RALGPS2: variants seen among roughly 807,000 people sequenced by gnomAD.
The protein encoded by RALGPS2 is ras-specific guanine nucleotide-releasing factor RalGPS2.
RALGPS2 carries 43 observed loss-of-function variants against 86.8 expected under a neutral mutation model. The ratio of observed to expected loss-of-function variants is 0.50; its 90% CI spans 0.39 to 0.64. RALGPS2 has a LOEUF of 0.64. RALGPS2 is among the 30% of genes least tolerant of loss of function. The pLI, the probability that RALGPS2 is intolerant of heterozygous loss-of-function variation, is 0.00. For missense variants in RALGPS2, 536 were observed against 694.6 expected, an observed-to-expected ratio of 0.77 and a Z score of 2.57; for synonymous variants, 243 against 231.3, an observed-to-expected ratio of 1.05 and a Z score of -0.46.
intron 8 of RALGPS2, among the ~76,000 whole-genome samples, chr1:178,871,390 C>CT (rs1325192891): frequency 7.9e-5 from 12 of 152,094 alleles, no homozygotes; most frequent in Non-Finnish European, 1.6e-4. Context: ...CTCCACTTCA[C>CT]TTAGAAGTAG....
At chr1:178,769,028 T>G (rs1330467492) in intron 1 of RALGPS2, among the ~76,000 whole-genome samples, 4 of 151,918 alleles carry the variant, frequency 2.6e-5, no homozygotes, top group Non-Finnish European at 5.9e-5. Flanking sequence ...TGCCTGGAGA[T>G]CTGCCTGGAT....
At chr1:178,767,979 G>A (rs2102079535) in intron 1 of RALGPS2, among the ~76,000 whole-genome samples, 1 of 152,334 alleles carries the variant, frequency 6.6e-6, no homozygotes, top group African/African-American at 2.4e-5. Flanking sequence ...TGGGCTCATA[G>A]CGATTCCCCC....
chr1:178,834,895 A>G (rs889504398), intron 8 of RALGPS2, among the ~76,000 whole-genome samples: 1 of 152,166 alleles, frequency 6.6e-6, no homozygotes, highest in South Asian at 2.1e-4. Flanking sequence ...CTCCTGCTTC[A>G]GCCTCCCAAG....
chr1:178,874,554 C>A (rs1030508671), intron 8 of RALGPS2, among the ~76,000 whole-genome samples: 2 of 152,088 alleles, frequency 1.3e-5, no homozygotes, highest in African/African-American at 4.8e-5. Context: ...TTCTCTGATC[C>A]CATCAGCAAG....
At chr1:178,750,764 A>C (rs1008964286) in intron 1 of RALGPS2, among the ~76,000 whole-genome samples, 1 of 152,192 alleles carries the variant, frequency 6.6e-6, no homozygotes, top group Non-Finnish European at 1.5e-5. Flanking sequence ...AAATGTCCGC[A>C]TATGTTACCT....
intron 6 of RALGPS2, among the ~76,000 whole-genome samples, chr1:178,811,892 A>C (rs1655003681): frequency 6.6e-6 from 1 of 152,186 alleles, no homozygotes; most frequent in Non-Finnish European, 1.5e-5. Context: ...AGAGAAATGG[A>C]GAATGGATTT....
In RALGPS2 at chr1:178,833,570, GTTTT is replaced by G. The variant is rs1263795596; in HGVS notation, c.607+23_607+26del. 2.4e-5 allele frequency: 37 copies of G among 1,519,270 alleles called. No individual in the cohort carries two copies. Among genetic ancestry groups the G allele is most frequent in the Non-Finnish European group, 3.2e-5 (37 of 1,146,252 alleles). The allele number at this position is 1,519,270 out of a possible 1,614,324, so 94.1% of individuals were successfully genotyped here. On this transcript the variant is annotated intron_variant, in intron 8 of 19. Coordinates refer to ENST00000367635, the MANE Select transcript of RALGPS2 (RefSeq NM_152663.5). Reference sequence around the variant, plus strand: ...ATTTAGGTGAGTTATGTCACTGTGTGTTTTTTGTTTCTAGTTGTTACTCTTCCTT... The same window carrying G: ...ATTTAGGTGAGTTATGTCACTGTGTGTTGTTTCTAGTTGTTACTCTTCCTT...
At chr1:178,808,596 T>C (rs1236352620) in intron 5 of RALGPS2, among the ~76,000 whole-genome samples, 2 of 152,198 alleles carry the variant, frequency 1.3e-5, no homozygotes, top group Non-Finnish European at 2.9e-5. Context: ...TTTTCAAAGA[T>C]ATATAGTGAA....
intron 1 of RALGPS2, among the ~76,000 whole-genome samples, chr1:178,743,840 T>G (rs1651163556): frequency 6.6e-6 from 1 of 152,128 alleles, no homozygotes; most frequent in Non-Finnish European, 1.5e-5. Flanking sequence ...TTAAAGAAAT[T>G]GAATTTGTGA....
intron 7 of RALGPS2, among the ~76,000 whole-genome samples, chr1:178,827,534 A>T (rs1655805300): frequency 6.7e-6 from 1 of 150,336 alleles, no homozygotes; most frequent in Admixed American, 6.6e-5. Context: ...AGCTGGGACT[A>T]CAGGCGCCCG....
chr1:178,900,497 C>G (rs186107281), intron 17 of RALGPS2, among the ~76,000 whole-genome samples: 1 of 151,780 alleles, frequency 6.6e-6, no homozygotes, highest in Non-Finnish European at 1.5e-5. Context: ...GTGGCCAGTC[C>G]GAGTCAGTAT....
rs1381769066 is a variant in RALGPS2, at chr1:178,892,246, T to A, written c.1264T>A (p.Ser422Thr). 2 of 1,612,624 alleles carry A rather than the reference T, an allele frequency of 1.2e-6. No individual in the cohort carries two copies. Among genetic ancestry groups the A allele is most frequent in the South Asian group, 2.2e-5 (2 of 91,058 alleles). Residue 422 changes from serine to threonine, a missense_variant, in exon 15 of 20, where the codon TCT (serine) becomes ACT (threonine). Physicochemically the swap from Ser to Thr is moderately conservative, Grantham distance 58. Around this residue, in one of 3 missense-constraint regions of RALGPS2, gnomAD observed 309 missense variants for 363.0 expected, o/e 0.85. Coordinates refer to ENST00000367635, the MANE Select transcript of RALGPS2 (RefSeq NM_152663.5). ...ATCCAACAGGAACAGATTATACCAT[T>A]CTCTCGGCCCGGTGACAAGAGTGGC... The part of the protein sequence containing the change: ...PAFERNRLYH[S>T]LGPVTRVARN...
intron 1 of RALGPS2, chr1:178,753,853 A>G (rs1173994674): frequency 1.4e-5 from 2 of 147,098 alleles, no homozygotes; most frequent in Non-Finnish European, 3.0e-5. Context: ...TTTTTTTGAG[A>G]TGGAGTCTCA....
At chr1:178,811,577 C>A (rs967801884) in intron 6 of RALGPS2, among the ~76,000 whole-genome samples, 173 bp downstream of exon 6, 1 of 152,100 alleles carries the variant, frequency 6.6e-6, no homozygotes, top group Non-Finnish European at 1.5e-5. Flanking sequence ...TTCCTTTATT[C>A]TTCCTGTTTT....
In RALGPS2 at chr1:178,808,292, A is replaced by G. The variant is rs12072600; in HGVS notation, c.297+164A>G. Among the ~76,000 whole-genome samples the G allele has an allele frequency of 1.2e-3, 175 of 152,144 alleles. 1 individual carries two copies. The highest frequency in any genetic ancestry group is 4.0e-3 in the African/African-American group (166 of 41,528). ...ATCTCTTTTTTTCTCTGTAACTCCTATTGAAAATTTATTGGAACTTGACAT... is the reference window on the plus strand; with the variant it reads ...ATCTCTTTTTTTCTCTGTAACTCCTGTTGAAAATTTATTGGAACTTGACAT... On this transcript the variant is annotated intron_variant, in intron 5 of 19. Coordinates refer to ENST00000367635, the MANE Select transcript of RALGPS2 (RefSeq NM_152663.5).
At chr1:178,749,194 T>A (rs1304061842) in intron 1 of RALGPS2, among the ~76,000 whole-genome samples, 1 of 152,076 alleles carries the variant, frequency 6.6e-6, no homozygotes, top group East Asian at 1.9e-4. Flanking sequence ...AATTTTTTTT[T>A]AATTCATGCA....
intron 4 of RALGPS2, among the ~76,000 whole-genome samples, chr1:178,795,445 C>T (rs557098016): frequency 2.6e-5 from 4 of 152,176 alleles, no homozygotes; most frequent in Admixed American, 6.6e-5. Context: ...CAAAGTCTTA[C>T]TCTGTTGCCC....
intron 1 of RALGPS2, among the ~76,000 whole-genome samples, chr1:178,774,775 A>T (rs1458363584): frequency 6.6e-6 from 1 of 152,220 alleles, no homozygotes; most frequent in African/African-American, 2.4e-5. Context: ...TTTCTGTTTT[A>T]AAAATCCTAG....
intron 1 of RALGPS2, chr1:178,746,695 C>T: frequency 2.6e-6 from 2 of 774,462 alleles, no homozygotes; most frequent in South Asian, 2.7e-5. Flanking sequence ...AGGTATCTGT[C>T]AATCTTGGCC....
Sources: allele counts gnomAD v4.1 joint callset (sites outside exome capture counted in the v4.1 genomes callset), GRCh38; gene constraint gnomAD v4.1.1; regional missense constraint gnomAD v4.1.1; transcripts MANE v1.5; gene names NCBI Gene and HGNC (gene_info 2026-07-23, HGNC 2026-07-21).